The following IGFBPL1 variants were observed in gnomAD, a reference collection of about 807,000 sequenced individuals.
The protein encoded by IGFBPL1 is insulin-like growth factor-binding protein-like 1.
In IGFBPL1, 20 loss-of-function variants were observed where a neutral mutation model predicts 23.9. The ratio of observed to expected loss-of-function variants is 0.84; its 90% CI spans 0.59 to 1.22. IGFBPL1 has a LOEUF of 1.22. IGFBPL1 is among the 50% of genes most tolerant of loss of function. The pLI, the probability that IGFBPL1 is intolerant of heterozygous loss-of-function variation, is 0.00. For synonymous variants in IGFBPL1, 184 were observed against 171.8 expected, an observed-to-expected ratio of 1.07 and a Z score of -0.56; for missense variants, 436 against 379.3, an observed-to-expected ratio of 1.15 and a Z score of -1.24.
intron 1 of IGFBPL1, among the ~76,000 whole-genome samples, chr9:38,420,788 G>T (rs1821668715): frequency 6.6e-6 from 1 of 152,116 alleles, no homozygotes; most frequent in Admixed American, 6.6e-5. Context: ...AGTGAGCCAA[G>T]ATCACACCAC....
chr9:38,413,086 G>C (rs1333392496), intron 3 of IGFBPL1, 151 bp downstream of exon 3: 1 of 615,154 alleles, frequency 1.6e-6, no homozygotes, highest in African/African-American at 1.9e-5. Flanking sequence ...GTTCCCAGCA[G>C]ATCTGAAACC....
intron 1 of IGFBPL1, among the ~76,000 whole-genome samples, chr9:38,418,278 A>G (rs147439143): frequency 3.3e-4 from 51 of 152,270 alleles, no homozygotes; most frequent in African/African-American, 1.2e-3. Context: ...TCCAGGTTCA[A>G]ATCCTTTCTC....
In IGFBPL1 at chr9:38,424,385, G is replaced by T; in HGVS notation, c.40C>A (p.Leu14Met). 1 of 655,758 alleles carries T rather than the reference G, an allele frequency of 1.5e-6. No homozygotes were observed. The highest frequency in any genetic ancestry group is 2.6e-6 in the Non-Finnish European group (1 of 383,354). The allele number at this position is 655,758 out of a possible 1,614,324, so 40.6% of individuals were successfully genotyped here. ...LSLLLPLLLL[L>M]LLPLLPPLSP... is the part of the protein sequence containing the mutation. ...AGCGGCGGCAGCAGCGGCAGCAGCA[G>T]CAGAAGCAGCAGCGGCAAGAGCAGA... is the stretch of plus-strand genomic sequence containing the variant. The change falls in exon 1 of 5, where the codon CTG becomes ATG. Residue 14 changes from leucine to methionine, a missense_variant. Transcript: ENST00000377694.
chr9:38,423,781 C>T (rs140567027), intron 1 of IGFBPL1, among the ~76,000 whole-genome samples, 184 bp downstream of exon 1: 31 of 152,294 alleles, frequency 2.0e-4, no homozygotes, highest in Middle Eastern at 3.4e-3. Flanking sequence ...CAGTGAGTGG[C>T]GTCTCCAAGG....
At chr9:38,423,886 C>A in intron 1 of IGFBPL1, 79 bp downstream of exon 1, 2 of 1,254,240 alleles carry the variant, frequency 1.6e-6, no homozygotes, top group Admixed American at 4.2e-5. Flanking sequence ...CACCACTGGG[C>A]AGGGGGATCC....
In IGFBPL1 at chr9:38,407,061, C is replaced by A. The variant is rs1461940377; in HGVS notation, c.*2166G>T. On this transcript the variant is annotated 3_prime_UTR_variant, in exon 5 of 5. Coordinates refer to ENST00000377694, the MANE Select transcript of IGFBPL1 (RefSeq NM_001007563.3). The stretch of plus-strand genomic sequence containing the variant: ...AGGGTCTGACCAACTCATCTCCCAA[C>A]CATTCAAGACACAGGAGAATTAACT... Among the ~76,000 whole-genome samples, 1 of 152,192 alleles carries A rather than the reference C, an allele frequency of 6.6e-6. No homozygotes were observed. The highest frequency in any genetic ancestry group is 2.4e-5 in the African/African-American group (1 of 41,442).
intron 4 of IGFBPL1, among the ~76,000 whole-genome samples, chr9:38,409,775 G>A (rs1821483714): frequency 6.6e-6 from 1 of 152,132 alleles, no homozygotes; most frequent in African/African-American, 2.4e-5. Flanking sequence ...CTATTTCACA[G>A]TTTTACATTT....
At chr9:38,413,187 G>T in intron 3 of IGFBPL1, 50 bp downstream of exon 3, 1 of 1,162,430 alleles carries the variant, frequency 8.6e-7, no homozygotes, top group Non-Finnish European at 1.3e-6. Context: ...AAATATAAAG[G>T]ATGGTTTATA....
At position 38,411,509 on chromosome 9, in the gene IGFBPL1, C is replaced by T. The variant is rs765637789; in HGVS notation, c.728G>A (p.Cys243Tyr). 1 of 1,614,034 alleles carries T rather than the reference C, an allele frequency of 6.2e-7. No homozygotes were observed. Among genetic ancestry groups the T allele is most frequent in the Admixed American group, 1.7e-5 (1 of 60,024 alleles). Residue 243 changes from cysteine to tyrosine, a missense_variant, in exon 4 of 5, where the codon TGC (cysteine) becomes TAC (tyrosine). Cys to Tyr is a radical substitution (Grantham distance 194). Coordinates refer to ENST00000377694, the MANE Select transcript of IGFBPL1 (RefSeq NM_001007563.3). ...LRKEDEGVYQ[C>Y]HAANMVGEAE... is the part of the protein sequence containing the mutation. Reference sequence around the variant, plus strand: ...CTCTCCCACCATGTTGGCTGCATGGCACTGGTACACACCCTCATCCTCCTT... The same window carrying T: ...CTCTCCCACCATGTTGGCTGCATGGTACTGGTACACACCCTCATCCTCCTT...
chr9:38,411,717 C>T (rs1821516195), intron 3 of IGFBPL1, among the ~76,000 whole-genome samples, 168 bp from the exon 4 acceptor site: 1 of 152,194 alleles, frequency 6.6e-6, no homozygotes, highest in Admixed American at 6.5e-5. Context: ...AGGTAAATTT[C>T]CTTCCCAGGG....
intron 1 of IGFBPL1, among the ~76,000 whole-genome samples, chr9:38,416,851 A>ATT (rs201272409): frequency 6.8e-6 from 1 of 147,380 alleles, no homozygotes; most frequent in Admixed American, 6.8e-5. Flanking sequence ...ATTAAAAAAA[A>ATT]TTTTTTTTTT....
chr9:38,419,022 G>A (rs1215469768), intron 1 of IGFBPL1, among the ~76,000 whole-genome samples: 1 of 152,054 alleles, frequency 6.6e-6, no homozygotes, highest in Admixed American at 6.5e-5. Context: ...ATGTGACTGT[G>A]TTATTAACTG....
chr9:38,424,023 G>T lies in IGFBPL1; in HGVS notation c.402C>A (p.His134Gln). ...GGTGACCGGGGTGCGCGCGGGGCGT[G>T]TGCCGAGCGCGCAGGCGCAGCGCGC... is the stretch of plus-strand genomic sequence containing the variant. The part of the protein sequence containing the change: ...SVCALRLRAR[H>Q]TPRAHPGHLH... The change falls in exon 1 of 5, where the codon CAC (histidine) becomes CAA (glutamine). Residue 134 changes from histidine (H) to glutamine (Q), a missense_variant. Physicochemically the swap from His to Gln is conservative, Grantham distance 24. Coordinates refer to ENST00000377694, the MANE Select transcript of IGFBPL1 (RefSeq NM_001007563.3). The T allele has an allele frequency of 7.1e-7, 1 of 1,407,250 alleles. No homozygotes were observed. The highest frequency in any genetic ancestry group is 9.2e-7 in the Non-Finnish European group (1 of 1,090,724). 87.2% of individuals were successfully genotyped at this position (1,407,250 alleles called of 1,614,324 possible).
Position 38,414,271 on chromosome 9 carries a change from C to A in IGFBPL1, c.461-68G>T, listed in dbSNP as rs557857936. ...GTTCCAAGCAACCCACCTCTAAATTCCCCTGCCGCGGAGAGCCCGCTGTGA... is the reference window on the plus strand; with the variant it reads ...GTTCCAAGCAACCCACCTCTAAATTACCCTGCCGCGGAGAGCCCGCTGTGA... On this transcript the variant is annotated intron_variant, in intron 1 of 4. Transcript: ENST00000377694. 1.1e-5 allele frequency: 10 copies of A among 906,078 alleles called. No homozygotes were observed. In the African/African-American group the frequency reaches 1.7e-4, roughly 15 times the overall value. 56.1% of individuals were successfully genotyped at this position (906,078 alleles called of 1,614,324 possible).
At chr9:38,419,889 C>CT (rs200035871) in intron 1 of IGFBPL1, among the ~76,000 whole-genome samples, 41,199 of 143,672 alleles carry the variant, frequency 0.29, 6,576 homozygotes, top group Non-Finnish European at 0.37. Flanking sequence ...CCTCCTCCTC[C>CT]TCCTTCTTCT....
chr9:38,417,134 C>G (rs1821610141), intron 1 of IGFBPL1, among the ~76,000 whole-genome samples: 1 of 152,214 alleles, frequency 6.6e-6, no homozygotes, highest in South Asian at 2.1e-4. Context: ...CCTCTGCCTA[C>G]AGGTATTAAC....
At chr9:38,417,543 T>C (rs1409557038) in intron 1 of IGFBPL1, among the ~76,000 whole-genome samples, 3 of 152,206 alleles carry the variant, frequency 2.0e-5, no homozygotes, top group Admixed American at 2.0e-4. Flanking sequence ...GCTTAGGGAT[T>C]GTGTTGGGGG....
chr9:38,417,859 C>T (rs1821622101), intron 1 of IGFBPL1, among the ~76,000 whole-genome samples: 1 of 152,156 alleles, frequency 6.6e-6, no homozygotes, highest in African/African-American at 2.4e-5. Context: ...TACCCAAATT[C>T]CACACTCCGA....
rs536456843 is a variant in IGFBPL1, at chr9:38,407,993, A to C, written c.*1234T>G. On this transcript the variant is annotated 3_prime_UTR_variant, in exon 5 of 5. Transcript: ENST00000377694. ...AGCCTTACTCTTGGGTGAGGTCAAA[A>C]TGTTTGTAGGTAAAATATATTCTAC... Among the ~76,000 whole-genome samples the C allele has an allele frequency of 2.0e-5, 3 of 152,304 alleles. No homozygotes were observed. The highest frequency in any genetic ancestry group is 7.2e-5 in the African/African-American group (3 of 41,552).
Sources: gnomAD v4.1 joint callset for allele counts (sites outside exome capture counted in the v4.1 genomes callset) on GRCh38, gnomAD v4.1.1 for gene constraint, MANE v1.5 for transcripts, NCBI Gene and HGNC (gene_info 2026-07-23, HGNC 2026-07-21) for gene names.